RAB40C: variants seen among roughly 807,000 people sequenced by gnomAD.
RAB40C encodes RAB40C, member RAS oncogene family, also known as ras-related protein Rab-40C.
RAB40C carries 8 observed loss-of-function variants against 28.1 expected under a neutral mutation model. The observed-to-expected ratio is 0.28, with a 90% CI of 0.17 to 0.51. The LOEUF (loss-of-function observed/expected upper bound fraction) is 0.51, where lower values mean the gene tolerates loss of function less well. Ranked by LOEUF, RAB40C falls within the 20% of genes least tolerant of loss-of-function variation. The pLI, the probability that RAB40C is intolerant of heterozygous loss-of-function variation, is 0.97. For synonymous variants in RAB40C, 201 were observed against 171.7 expected (o/e 1.17, Z -1.34); for missense variants, 288 against 405.9 (o/e 0.71, Z 2.50).
At chr16:624,560 G>T in intron 3 of RAB40C, 1 of 985,416 alleles carries the variant, frequency 1.0e-6, no homozygotes, top group Non-Finnish European at 1.2e-6. Context: ...GGTTCTAAGA[G>T]GCTCTAAAAA....
rs1484648380 is a variant in RAB40C, at chr16:626,131, C to T, written c.565+10C>T. 26 of 1,608,198 alleles carry T rather than the reference C, an allele frequency of 1.6e-5. No individual in the cohort carries two copies. The highest frequency in any genetic ancestry group is 1.1e-4 in the South Asian group (10 of 90,978). On this transcript the variant is annotated intron_variant, in intron 5 of 5. Transcript: ENST00000248139. ...TGGAGGCCCAACCGAGGTGGGTGGGCGGGCGCCGGCCAGCCCTGAGGTCCC... is the reference window on the plus strand; with the variant it reads ...TGGAGGCCCAACCGAGGTGGGTGGGTGGGCGCCGGCCAGCCCTGAGGTCCC...
rs1399703648 is a variant in RAB40C, at chr16:627,550, G to A, written c.774G>A (p.Lys258=). The change falls in exon 6 of 6, where the codon AAG becomes AAA. Residue 258 remains lysine (K), a synonymous_variant. Coordinates refer to ENST00000248139, the MANE Select transcript of RAB40C (RefSeq NM_021168.5). ...GGGGSKGNSL[K]RSKSIRPPQS... ...GCGGCAGCAAGGGCAACAGCCTCAAGAGGTCCAAGTCCATCCGTCCACCCC... is the reference window on the plus strand; with the variant it reads ...GCGGCAGCAAGGGCAACAGCCTCAAAAGGTCCAAGTCCATCCGTCCACCCC... The A allele has an allele frequency of 6.2e-7, 1 of 1,613,520 alleles. No homozygotes were observed. The highest frequency in any genetic ancestry group is 8.5e-7 in the Non-Finnish European group (1 of 1,179,908).
At chr16:607,586 A>G (rs2036388116) in intron 1 of RAB40C, among the ~76,000 whole-genome samples, 2 of 151,810 alleles carry the variant, frequency 1.3e-5, no homozygotes, top group Non-Finnish European at 2.9e-5. Context: ...GGCGGATCAC[A>G]AGGTCAGGAG....
chr16:625,664 A>T, intron 4 of RAB40C, 155 bp downstream of exon 4: 2 of 903,044 alleles, frequency 2.2e-6, no homozygotes, highest in East Asian at 5.3e-5. Context: ...CATGCTGGTC[A>T]CTGTGCACAC....
At chr16:609,380 C>T (rs2036434537) in intron 1 of RAB40C, among the ~76,000 whole-genome samples, 1 of 152,086 alleles carries the variant, frequency 6.6e-6, no homozygotes, top group Admixed American at 6.6e-5. Flanking sequence ...TGAGCAAGCC[C>T]CTCCTTGCCT....
intron 1 of RAB40C, chr16:596,536 G>A: frequency 3.0e-6 from 1 of 337,376 alleles, no homozygotes; most frequent in Non-Finnish European, 5.8e-6. Context: ...GAGTAAGCAG[G>A]GAAAGGTGTC....
chr16:618,070 A>G (rs2036625174), intron 2 of RAB40C, 130 bp from the exon 3 acceptor site: 3 of 788,028 alleles, frequency 3.8e-6, no homozygotes, highest in Non-Finnish European at 6.2e-6. Context: ...CGCTTAGCAC[A>G]GCCTCATTGG....
chr16:604,216 G>A (rs190049108), intron 1 of RAB40C, among the ~76,000 whole-genome samples: 39 of 149,810 alleles, frequency 2.6e-4, no homozygotes, highest in Admixed American at 1.5e-3. Context: ...CACCACACCC[G>A]GCTCAGAGCT....
intron 1 of RAB40C, among the ~76,000 whole-genome samples, chr16:601,194 T>C (rs1375642936): frequency 6.6e-6 from 1 of 152,156 alleles, no homozygotes; most frequent in Non-Finnish European, 1.5e-5. Context: ...TTTTAAAAAA[T>C]TGTAGTACCA....
At chr16:624,688 G>C in intron 3 of RAB40C, 3 of 985,484 alleles carry the variant, frequency 3.0e-6, no homozygotes, top group Non-Finnish European at 3.6e-6. Context: ...CAGCTCATTG[G>C]CTGGATCTGG....
chr16:593,383 G>A (rs1189221620), intron 1 of RAB40C, among the ~76,000 whole-genome samples: 2 of 152,242 alleles, frequency 1.3e-5, no homozygotes, highest in Admixed American at 6.5e-5. Context: ...TGGGAAGGAC[G>A]TACGTGTTAA....
chr16:621,527 C>G (rs544283222), intron 3 of RAB40C, among the ~76,000 whole-genome samples: 1 of 152,256 alleles, frequency 6.6e-6, no homozygotes, highest in Non-Finnish European at 1.5e-5. Context: ...AGCAGTCCCG[C>G]GGCTCTTCCC....
rs568150241 is a variant in RAB40C, at chr16:627,804, C to T, written c.*182C>T. 44 of 702,702 alleles carry T rather than the reference C, an allele frequency of 6.3e-5. No individual in the cohort carries two copies. The highest frequency in any genetic ancestry group is 3.0e-4 in the Admixed American group (8 of 26,558). 43.5% of individuals were successfully genotyped at this position (702,702 alleles called of 1,614,324 possible). A position where few individuals can be genotyped will look rare whatever the true frequency, so the allele number is the denominator to read the frequency against. ...GCATGCACGGACCAAGCGCGGCAGG[C>T]GGGAGGAGGGGGCGCGGCTGGGCTG... is the stretch of plus-strand genomic sequence containing the variant. On this transcript the variant is annotated 3_prime_UTR_variant, in exon 6 of 6. Coordinates refer to ENST00000248139, the MANE Select transcript of RAB40C (RefSeq NM_021168.5).
chr16:607,718 A>G (rs1162172529), intron 1 of RAB40C, among the ~76,000 whole-genome samples: 1 of 151,992 alleles, frequency 6.6e-6, no homozygotes, highest in Admixed American at 6.6e-5. Flanking sequence ...ATGAACCCAG[A>G]AGGCGGAGCT....
chr16:620,190 G>A (rs999928746), intron 3 of RAB40C, among the ~76,000 whole-genome samples: 9 of 152,152 alleles, frequency 5.9e-5, no homozygotes, highest in African/African-American at 2.2e-4. Context: ...GTCAAGAGTT[G>A]GAGACCAACC....
intron 3 of RAB40C, chr16:624,218 CTA>C: frequency 1.0e-6 from 1 of 985,438 alleles, no homozygotes; most frequent in Non-Finnish European, 1.2e-6. Flanking sequence ...GAGGTTGCCA[CTA>C]GGGAGAGTGG....
chr16:611,997 A>C lies in RAB40C; in HGVS notation c.143-5211A>C, dbSNP rs569809102. ...AAGGGACAGCCGCCCTGGCCTGTAG[A>C]ATCAAGAGCAAGGGACAGCCGCCTT... On this transcript the variant is annotated intron_variant, in intron 1 of 5. Transcript: ENST00000248139. Among the ~76,000 whole-genome samples, 67 of 49,720 alleles carry C rather than the reference A, an allele frequency of 1.3e-3. 3 individuals are homozygous for C. Among genetic ancestry groups the C allele is most frequent in the South Asian group, 3.4e-3 (2 of 582 alleles). 32.6% of individuals were successfully genotyped at this position (49,720 alleles called of 152,430 possible).
chr16:604,373 A>G (rs2036317118), intron 1 of RAB40C, among the ~76,000 whole-genome samples: 1 of 152,226 alleles, frequency 6.6e-6, no homozygotes, highest in Non-Finnish European at 1.5e-5. Flanking sequence ...GTGTTTCTCT[A>G]GAATACACGT....
At chr16:625,559 G>GT (rs781346168) in intron 4 of RAB40C, 50 bp downstream of exon 4, 11 of 1,572,844 alleles carry the variant, frequency 7.0e-6, no homozygotes, top group Middle Eastern at 3.3e-4. Context: ...CTGGATGGAG[G>GT]TACCTGGGCC....
Sources: gnomAD v4.1 joint callset for allele counts (sites outside exome capture counted in the v4.1 genomes callset) on GRCh38, gnomAD v4.1.1 for gene constraint, MANE v1.5 for transcripts, NCBI Gene and HGNC (gene_info 2026-07-23, HGNC 2026-07-21) for gene names.